PHAF1: variants seen among roughly 807,000 people sequenced by gnomAD.
PHAF1 encodes the protein phagophore assembly factor 1.
PHAF1 carries 23 observed loss-of-function variants against 63.1 expected under a neutral mutation model. The ratio of observed to expected loss-of-function variants is 0.36; its 90% CI spans 0.26 to 0.52. PHAF1 has a LOEUF of 0.52. PHAF1 is among the 20% of genes least tolerant of loss of function. The probability of loss-of-function intolerance (pLI) is 0.93; values close to 1 mark genes in which losing one functional copy is unlikely to be tolerated. For missense variants in PHAF1, 427 were observed against 517.2 expected (o/e 0.83, Z 1.69); for synonymous variants, 167 against 185.0 (o/e 0.90, Z 0.79).
At chr16:67,137,579 A>G (rs911745801) in intron 8 of PHAF1, among the ~76,000 whole-genome samples, 1 of 152,160 alleles carries the variant, frequency 6.6e-6, no homozygotes, top group Non-Finnish European at 1.5e-5. Context: ...TCAACCTCCC[A>G]AAGTGCTGGG....
Position 67,145,366 on chromosome 16 carries a change from C to T in PHAF1, c.1007-10C>T. On this transcript the variant is annotated splice_polypyrimidine_tract_variant and intron_variant, in intron 12 of 15. Transcript: ENST00000219139. ...AGCTACAAATCTGCCCCACTGTCTT[C>T]TCTTTTCAGAAAACGCAGATGGTCA... The T allele has an allele frequency of 6.2e-7, 1 of 1,614,124 alleles. No homozygotes were observed. The highest frequency in any genetic ancestry group is 8.5e-7 in the Non-Finnish European group (1 of 1,179,990).
chr16:67,119,960 C>A, intron 1 of PHAF1, 152 bp from the exon 2 acceptor site: 1 of 600,748 alleles, frequency 1.7e-6, no homozygotes, highest in Non-Finnish European at 2.9e-6. Context: ...GCTCTTACTG[C>A]TTATTGAACT....
chr16:67,144,693 C>G, intron 11 of PHAF1, 141 bp from the exon 12 acceptor site: 1 of 957,028 alleles, frequency 1.0e-6, no homozygotes, highest in Non-Finnish European at 1.6e-6. Context: ...TGGCCTCCCC[C>G]AGTGAACACT....
At chr16:67,138,585 T>C (rs1376256243) in intron 8 of PHAF1, among the ~76,000 whole-genome samples, 1 of 152,058 alleles carries the variant, frequency 6.6e-6, no homozygotes, top group African/African-American at 2.4e-5. Flanking sequence ...ATTTTTACTG[T>C]TGGTGTATCT....
At chr16:67,134,038 C>T in intron 6 of PHAF1, 130 bp from the exon 7 acceptor site, 1 of 701,862 alleles carries the variant, frequency 1.4e-6, no homozygotes, top group African/African-American at 1.8e-5. Flanking sequence ...AGCCAGAGAG[C>T]CAGGTTTAAG....
chr16:67,130,627 G>C (rs1267381852), intron 3 of PHAF1, among the ~76,000 whole-genome samples: 1 of 152,184 alleles, frequency 6.6e-6, no homozygotes, highest in East Asian at 1.9e-4. Flanking sequence ...GGGATTATAG[G>C]CGTGAGCCAC....
At chr16:67,112,841 T>C (rs1349316584) in intron 1 of PHAF1, among the ~76,000 whole-genome samples, 1 of 152,224 alleles carries the variant, frequency 6.6e-6, no homozygotes, top group African/African-American at 2.4e-5. Context: ...TTTTACATGG[T>C]GTCTGCCTGA....
At chr16:67,137,639 A>C (rs1007597706) in intron 8 of PHAF1, among the ~76,000 whole-genome samples, 48 of 152,070 alleles carry the variant, frequency 3.2e-4, no homozygotes, top group African/African-American at 1.2e-3. Context: ...TTTTTGAGAG[A>C]ATTGAGATGT....
At chr16:67,116,203 G>C (rs2145820570) in intron 1 of PHAF1, among the ~76,000 whole-genome samples, 1 of 152,278 alleles carries the variant, frequency 6.6e-6, no homozygotes, top group Non-Finnish European at 1.5e-5. Context: ...AACATTTATT[G>C]AGTCCCTACT....
chr16:67,147,280 G>A lies in PHAF1; in HGVS notation c.*149G>A. 1 of 714,682 alleles carries A rather than the reference G, an allele frequency of 1.4e-6. No homozygotes were observed. Among genetic ancestry groups the A allele is most frequent in the Middle Eastern group, 3.7e-4 (1 of 2,734 alleles). The allele number at this position is 714,682 out of a possible 1,614,324, so 44.3% of individuals were successfully genotyped here. On this transcript the variant is annotated 3_prime_UTR_variant, in exon 16 of 16. Coordinates refer to ENST00000219139, the MANE Select transcript of PHAF1 (RefSeq NM_025187.5). ...TTCTGAGGTTGGGCTCAGGCTGGGT[G>A]CTCTGCCATGGGCTGAGTGGCCCAG...
chr16:67,137,868 G>A (rs542264820), intron 8 of PHAF1, among the ~76,000 whole-genome samples: 2 of 152,206 alleles, frequency 1.3e-5, no homozygotes, highest in Admixed American at 6.5e-5. Flanking sequence ...CAAATGATTT[G>A]TTAAGTCAGG....
Position 67,147,035 on chromosome 16 carries a change from C to T in PHAF1, c.1183-10C>T, listed in dbSNP as rs1161401934. The stretch of plus-strand genomic sequence containing the variant: ...CTCCCCCTTGACCCACTGTCCTCTT[C>T]TCACACCAGGTCATGCAGAACAACC... On this transcript the variant is annotated splice_polypyrimidine_tract_variant and intron_variant, in intron 15 of 15. Transcript: ENST00000219139. 9.3e-6 allele frequency: 15 copies of T among 1,611,320 alleles called. No individual in the cohort carries two copies. The highest frequency in any genetic ancestry group is 5.3e-5 in the African/African-American group (4 of 74,824).
chr16:67,126,565 C>A lies in PHAF1; in HGVS notation c.231+523C>A, dbSNP rs141059899. Among the ~76,000 whole-genome samples, 2 of 151,272 alleles carry A rather than the reference C, an allele frequency of 1.3e-5. 1 individual carries two copies. The highest frequency in any genetic ancestry group is 4.8e-5 in the African/African-American group (2 of 41,244). On this transcript the variant is annotated intron_variant, in intron 3 of 15. Transcript: ENST00000219139. ...GCAATTTGCTAACACCTGTTTGAGT[C>A]CAGTCTGGTTTTCTTTGTTTTTGTT...
At position 67,144,351 on chromosome 16, in the gene PHAF1, T is replaced by C; in HGVS notation, c.937T>C (p.Tyr313His). The part of the protein sequence containing the change: ...KVKKFVLHTN[Y>H]PGHYNFNIYH... ...GAAGAAGTTTGTTCTACACACCAAT[T>C]ACCCTGGGCATTATAATTTCAACAT... Residue 313 changes from tyrosine (Y) to histidine (H), a missense_variant, in exon 11 of 16, where the codon TAC becomes CAC. Coordinates refer to ENST00000219139, the MANE Select transcript of PHAF1 (RefSeq NM_025187.5). 6.2e-7 allele frequency: 1 copy of C among 1,610,050 alleles called. No individual in the cohort carries two copies. The highest frequency in any genetic ancestry group is 1.1e-5 in the South Asian group (1 of 90,984).
chr16:67,124,731 A>G (rs927738007), intron 2 of PHAF1, among the ~76,000 whole-genome samples: 6 of 152,090 alleles, frequency 3.9e-5, no homozygotes, highest in Non-Finnish European at 8.8e-5. Context: ...GTGAAACCCC[A>G]TCTGTACTAA....
In PHAF1 at chr16:67,146,239, C is replaced by T. The variant is rs1406829786; in HGVS notation, c.1110-39C>T. ...GGATCCCTTGCTTTAAGGCCGTGGC[C>T]TCTGTCTGCCTCTCTAATTCTGAAT... On this transcript the variant is annotated intron_variant, in intron 14 of 15. Coordinates refer to ENST00000219139, the MANE Select transcript of PHAF1 (RefSeq NM_025187.5). The T allele has an allele frequency of 2.5e-6, 4 of 1,581,584 alleles. No homozygotes were observed. In the South Asian group the frequency reaches 3.3e-5, roughly 13 times the overall value.
intron 1 of PHAF1, among the ~76,000 whole-genome samples, chr16:67,118,906 C>T (rs1962865336): frequency 6.6e-6 from 1 of 151,382 alleles, no homozygotes; most frequent in Non-Finnish European, 1.5e-5. Context: ...ACCCCAGGAC[C>T]TAGAGTAGTC....
At chr16:67,142,459 T>C (rs1963849570) in intron 10 of PHAF1, among the ~76,000 whole-genome samples, 1 of 152,214 alleles carries the variant, frequency 6.6e-6, no homozygotes, top group South Asian at 2.1e-4. Flanking sequence ...CCAGGAGCCC[T>C]TCTGCTTCCT....
chr16:67,144,236 G>A (rs546969101), intron 10 of PHAF1, 58 bp from the exon 11 acceptor site: 3 of 1,291,920 alleles, frequency 2.3e-6, no homozygotes, highest in Non-Finnish European at 3.4e-6. Context: ...CCTTTGGAAA[G>A]GCCTCTGCCC....
Sources: allele counts gnomAD v4.1 joint callset (sites outside exome capture counted in the v4.1 genomes callset), GRCh38; gene constraint gnomAD v4.1.1; transcripts MANE v1.5; gene names NCBI Gene and HGNC (gene_info 2026-07-23, HGNC 2026-07-21).